Variants in RARB observed in about 807,000 individuals in gnomAD.
The protein encoded by RARB is HBV-activated protein.
RARB carries 17 observed loss-of-function variants against 51.9 expected under a neutral mutation model. That is an observed-to-expected ratio of 0.33 (90% CI 0.22 to 0.49). The LOEUF is 0.49. Among genes scored for constraint, RARB ranks in the 20% least tolerant of loss-of-function variants. RARB has a pLI of 0.99. For missense variants in RARB, 369 were observed against 550.8 expected, an observed-to-expected ratio of 0.67 and a Z score of 3.30; for synonymous variants, 215 against 195.4, an observed-to-expected ratio of 1.10 and a Z score of -0.84.
At chr3:25,150,160 C>T (rs990381005) in intron 4 of RARB, among the ~76,000 whole-genome samples, 1 of 151,018 alleles carries the variant, frequency 6.6e-6, no homozygotes, top group African/African-American at 2.4e-5. Flanking sequence ...GAGATCGCAT[C>T]ACTGCACTCC....
intron 5 of RARB, among the ~76,000 whole-genome samples, chr3:25,325,243 G>A (rs918052288): frequency 3.3e-5 from 5 of 152,064 alleles, no homozygotes; most frequent in Admixed American, 2.6e-4. Flanking sequence ...TGGTGGGAGT[G>A]TCTCTCAGCA....
chr3:25,207,573 C>T (rs953368970), intron 5 of RARB, among the ~76,000 whole-genome samples: 1 of 152,080 alleles, frequency 6.6e-6, no homozygotes, highest in Non-Finnish European at 1.5e-5. Flanking sequence ...CCAGTATTTC[C>T]CTTCCCTCCT....
intron 2 of RARB, among the ~76,000 whole-genome samples, chr3:24,948,024 C>T (rs1406576722): frequency 2.0e-5 from 3 of 151,976 alleles, no homozygotes; most frequent in Non-Finnish European, 4.4e-5. Context: ...AGACAAGTAC[C>T]TACTTGATAA....
chr3:25,586,553 A>G (rs959846812), intron 5 of RARB, among the ~76,000 whole-genome samples: 3 of 152,186 alleles, frequency 2.0e-5, no homozygotes, highest in Admixed American at 1.3e-4. Context: ...GTCTTTCCCT[A>G]CAAGACACAC....
At chr3:25,222,073 A>G (rs888272552) in intron 5 of RARB, among the ~76,000 whole-genome samples, 13 of 152,180 alleles carry the variant, frequency 8.5e-5, no homozygotes, top group African/African-American at 2.9e-4. Context: ...TTACTTGGTA[A>G]TACATCACTG....
At chr3:25,277,368 C>T (rs1003100747) in intron 5 of RARB, among the ~76,000 whole-genome samples, 2 of 152,126 alleles carry the variant, frequency 1.3e-5, no homozygotes, top group African/African-American at 4.8e-5. Context: ...CAAAGAACTC[C>T]AGTGAATCAC....
rs1261621136 is a variant in RARB, at chr3:24,932,863, TTTTA to T, written c.-380+74119_-380+74122del. Among the ~76,000 whole-genome samples the T allele has an allele frequency of 1.1e-4, 16 of 146,222 alleles. No homozygotes were observed. The East Asian group carries it at 2.9e-3, about 26-fold the overall frequency. ...CATGGAGGTGCTAATCTCTGTTCTA[TTTTA>T]TTTATTTTCCTGCTCAGAAAGTAAT... On this transcript the variant is annotated intron_variant, in intron 2 of 11. Transcript: ENST00000383772.
chr3:24,985,039 C>G (rs906708508), intron 2 of RARB, among the ~76,000 whole-genome samples: 2 of 152,294 alleles, frequency 1.3e-5, no homozygotes, highest in South Asian at 2.1e-4. Context: ...TCATTTTATT[C>G]TGGAAATTCA....
At chr3:25,186,379 T>C (rs931023239) in intron 5 of RARB, among the ~76,000 whole-genome samples, 1 of 152,092 alleles carries the variant, frequency 6.6e-6, no homozygotes, top group Non-Finnish European at 1.5e-5. Context: ...GTTTTGAAAA[T>C]GACTTAGCAC....
chr3:25,083,335 T>A (rs1345509449), intron 3 of RARB, among the ~76,000 whole-genome samples: 1 of 152,154 alleles, frequency 6.6e-6, no homozygotes, highest in Non-Finnish European at 1.5e-5. Context: ...AAAGCTCTAT[T>A]TTATTTCCAT....
intron 5 of RARB, among the ~76,000 whole-genome samples, chr3:25,294,889 C>T (rs1703881552): frequency 6.6e-6 from 1 of 152,200 alleles, no homozygotes; most frequent in Admixed American, 6.5e-5. Flanking sequence ...TGCCTTTACC[C>T]TGCTCTGGTC....
At chr3:25,249,210 A>C (rs1328189730) in intron 5 of RARB, among the ~76,000 whole-genome samples, 2 of 151,960 alleles carry the variant, frequency 1.3e-5, no homozygotes, top group Non-Finnish European at 2.9e-5. Context: ...TCCTTGATCT[A>C]GTCTGTTATT....
intron 2 of RARB, among the ~76,000 whole-genome samples, chr3:25,032,218 T>C (rs1459189126): frequency 6.6e-6 from 1 of 152,232 alleles, no homozygotes; most frequent in East Asian, 1.9e-4. Flanking sequence ...ATAAAAGACA[T>C]CCGCAATCAG....
chr3:25,328,654 C>G (rs764013136), intron 5 of RARB, among the ~76,000 whole-genome samples: 7 of 152,170 alleles, frequency 4.6e-5, no homozygotes, highest in Non-Finnish European at 8.8e-5. Flanking sequence ...ACTGAGGCAC[C>G]AGGTTCATCT....
At chr3:25,496,012 T>G (rs1286648) in intron 2 of RARB, among the ~76,000 whole-genome samples, 89,018 of 152,044 alleles carry the variant, frequency 0.59, 28,058 homozygotes, top group African/African-American at 0.83. Flanking sequence ...CAGATCAGTG[T>G]GTCTGCTACT....
chr3:25,181,388 G>A (rs749699138), intron 5 of RARB, among the ~76,000 whole-genome samples: 42 of 152,144 alleles, frequency 2.8e-4, no homozygotes, highest in Non-Finnish European at 5.3e-4. Flanking sequence ...TCTAACACAT[G>A]GGACATAGTA....
chr3:25,566,011 C>G (rs559487137), intron 3 of RARB, among the ~76,000 whole-genome samples: 1 of 152,144 alleles, frequency 6.6e-6, no homozygotes, highest in African/African-American at 2.4e-5. Context: ...TCCAGGGGAA[C>G]GAGTCCCTGC....
intron 5 of RARB, among the ~76,000 whole-genome samples, chr3:25,314,059 A>G (rs1003982477): frequency 1.1e-4 from 17 of 152,128 alleles, no homozygotes; most frequent in Non-Finnish European, 1.9e-4. Flanking sequence ...TGACAGAGCC[A>G]GACTCTGTCT....
chr3:25,340,012 C>G (rs1648296723), intron 5 of RARB, among the ~76,000 whole-genome samples: 1 of 152,166 alleles, frequency 6.6e-6, no homozygotes, highest in Non-Finnish European at 1.5e-5. Flanking sequence ...GTTTAAAGAC[C>G]CTGCCATGGA....
Sources: gnomAD v4.1 joint callset for allele counts (sites outside exome capture counted in the v4.1 genomes callset) on GRCh38, gnomAD v4.1.1 for gene constraint, MANE v1.5 for transcripts, NCBI Gene and HGNC (gene_info 2026-07-23, HGNC 2026-07-21) for gene names.